Variants in TMEM132D observed in about 807,000 individuals in gnomAD.
TMEM132D encodes the protein mature OL transmembrane protein.
A neutral mutation model predicts 62.3 loss-of-function variants in TMEM132D; 21 were observed. The ratio of observed to expected loss-of-function variants is 0.34; its 90% CI spans 0.24 to 0.49. The LOEUF is 0.49. TMEM132D is among the 20% of genes least tolerant of loss of function. The probability of loss-of-function intolerance (pLI) is 0.99; values close to 1 mark genes in which losing one functional copy is unlikely to be tolerated. For missense variants in TMEM132D, 1,346 were observed against 1,402.8 expected, an observed-to-expected ratio of 0.96 and a Z score of 0.65; for synonymous variants, 621 against 575.6, an observed-to-expected ratio of 1.08 and a Z score of -1.13.
chr12:129,459,056 C>G (rs1317125287), intron 3 of TMEM132D, among the ~76,000 whole-genome samples: 1 of 152,200 alleles, frequency 6.6e-6, no homozygotes, highest in African/African-American at 2.4e-5. Flanking sequence ...GGGCTCTGTG[C>G]TCAGCGGGTT....
intron 3 of TMEM132D, among the ~76,000 whole-genome samples, chr12:129,361,619 TG>T (rs1383017865): frequency 1.3e-5 from 2 of 152,222 alleles, no homozygotes; most frequent in Non-Finnish European, 2.9e-5. Context: ...CAAATGTCCA[TG>T]GCAAATGCTA....
At chr12:129,186,653 C>T (rs1295107391) in intron 5 of TMEM132D, among the ~76,000 whole-genome samples, 2 of 152,192 alleles carry the variant, frequency 1.3e-5, no homozygotes, top group Non-Finnish European at 2.9e-5. Flanking sequence ...TCAGTTTCCT[C>T]ATCTGTAACA....
At chr12:129,612,405 G>A (rs1205298455) in intron 2 of TMEM132D, among the ~76,000 whole-genome samples, 7 of 152,118 alleles carry the variant, frequency 4.6e-5, no homozygotes, top group Admixed American at 6.5e-5. Context: ...GCTCCTGGAC[G>A]CTTGGGGGAC....
intron 3 of TMEM132D, among the ~76,000 whole-genome samples, chr12:129,481,212 C>T (rs373042167): frequency 4.6e-5 from 7 of 151,916 alleles, no homozygotes; most frequent in Non-Finnish European, 8.8e-5. Context: ...CTGCTGGGCA[C>T]GGTGGCTCAC....
chr12:129,305,541 C>T (rs77363439), intron 4 of TMEM132D, among the ~76,000 whole-genome samples: 241 of 152,246 alleles, frequency 1.6e-3, no homozygotes, highest in African/African-American at 5.2e-3. Flanking sequence ...AAAGAAGTGG[C>T]CTGTTATAAA....
At chr12:129,081,404 T>G (rs1312268087) in intron 7 of TMEM132D, among the ~76,000 whole-genome samples, 7 of 152,166 alleles carry the variant, frequency 4.6e-5, no homozygotes, top group Non-Finnish European at 5.9e-5. Context: ...GCCCGAGCGA[T>G]CCTTGCACCT....
intron 4 of TMEM132D, among the ~76,000 whole-genome samples, chr12:129,234,071 A>T (rs559025921): frequency 1.3e-5 from 2 of 152,322 alleles, no homozygotes; most frequent in African/African-American, 4.8e-5. Context: ...ATAGGTTTTG[A>T]AATGTAAATT....
intron 4 of TMEM132D, among the ~76,000 whole-genome samples, chr12:129,253,510 A>C (rs1170001035): frequency 1.3e-5 from 2 of 152,236 alleles, no homozygotes; most frequent in African/African-American, 2.4e-5. Context: ...AATTAAGTTG[A>C]GTTACAGAAA....
intron 3 of TMEM132D, among the ~76,000 whole-genome samples, chr12:129,491,539 C>T (rs1874796281): frequency 6.6e-6 from 1 of 152,184 alleles, no homozygotes; most frequent in African/African-American, 2.4e-5. Context: ...CCTAACCCTT[C>T]ACTCCATGCG....
rs61940264 is a variant in TMEM132D, at chr12:129,894,167, C to T, written c.79+9094G>A. 7.7e-3 allele frequency among the ~76,000 whole-genome samples: 1,175 copies of T among 152,318 alleles called. 6 individuals are homozygous for T. Among genetic ancestry groups the T allele is most frequent in the Middle Eastern group, 0.031 (9 of 294 alleles). ...CCACATGGCTGGGAAGCCTCACAAT[C>T]ATGGCAAAAGGCAAAGGAGAAGCAA... is the stretch of plus-strand genomic sequence containing the variant. On this transcript the variant is annotated intron_variant, in intron 1 of 8. Coordinates refer to ENST00000422113, the MANE Select transcript of TMEM132D (RefSeq NM_133448.3).
intron 3 of TMEM132D, among the ~76,000 whole-genome samples, chr12:129,498,700 T>C (rs1384923018): frequency 6.6e-6 from 1 of 152,158 alleles, no homozygotes; most frequent in Non-Finnish European, 1.5e-5. Flanking sequence ...TTCCGCTTGG[T>C]GTAGGTGAAT....
chr12:129,902,234 C>T (rs1875382321), intron 1 of TMEM132D, among the ~76,000 whole-genome samples: 1 of 152,168 alleles, frequency 6.6e-6, no homozygotes, highest in Non-Finnish European at 1.5e-5. Context: ...AGACTTTGTG[C>T]GTGATAATTG....
chr12:129,720,845 C>G (rs545537638), intron 1 of TMEM132D, among the ~76,000 whole-genome samples: 13 of 152,368 alleles, frequency 8.5e-5, no homozygotes, highest in African/African-American at 2.6e-4. Flanking sequence ...CAATAATCAA[C>G]TCATCTAACA....
At chr12:129,470,914 T>A (rs753578153) in intron 3 of TMEM132D, among the ~76,000 whole-genome samples, 29 of 152,016 alleles carry the variant, frequency 1.9e-4, no homozygotes, top group Non-Finnish European at 3.7e-4. Context: ...GTCTGTGGAA[T>A]AAGAGGAAAG....
intron 3 of TMEM132D, among the ~76,000 whole-genome samples, chr12:129,383,355 G>A (rs1193479041): frequency 6.6e-6 from 1 of 152,168 alleles, no homozygotes; most frequent in Non-Finnish European, 1.5e-5. Context: ...TCAGTGTGCA[G>A]GATTTAGACA....
intron 1 of TMEM132D, among the ~76,000 whole-genome samples, chr12:129,851,652 CACAGCACTGCTTCCCT>C (rs532600216): frequency 0.013 from 1,999 of 152,288 alleles, 44 homozygotes; most frequent in African/African-American, 0.042. Context: ...CACCCATGTT[CACAGCACTGCTTCCCT>C]ACAGCACTGC....
chr12:129,330,247 C>A (rs2135650843), intron 4 of TMEM132D, among the ~76,000 whole-genome samples: 1 of 152,186 alleles, frequency 6.6e-6, no homozygotes, highest in African/African-American at 2.4e-5. Flanking sequence ...TTATGGAGTC[C>A]CCTACTCATG....
chr12:129,820,475 A>G, intron 1 of TMEM132D, among the ~76,000 whole-genome samples: 1 of 152,200 alleles, frequency 6.6e-6, no homozygotes, highest in East Asian at 1.9e-4. Context: ...GCAGTTAACC[A>G]TACATTATAA....
At chr12:129,365,005 A>G (rs1212902287) in intron 3 of TMEM132D, among the ~76,000 whole-genome samples, 1 of 152,248 alleles carries the variant, frequency 6.6e-6, no homozygotes, top group Admixed American at 6.5e-5. Flanking sequence ...AAATGAATGT[A>G]CAGCATTTCC....
Sources: gnomAD v4.1 joint callset for allele counts (sites outside exome capture counted in the v4.1 genomes callset) on GRCh38, gnomAD v4.1.1 for gene constraint, MANE v1.5 for transcripts, NCBI Gene and HGNC (gene_info 2026-07-23, HGNC 2026-07-21) for gene names.